CDH4: variants seen among roughly 807,000 people sequenced by gnomAD.
The protein encoded by CDH4 is cadherin-4.
In CDH4, 33 loss-of-function variants were observed where a neutral mutation model predicts 86.0. The ratio of observed to expected loss-of-function variants is 0.38; its 90% CI spans 0.29 to 0.51. The LOEUF is 0.51. Ranked by LOEUF, CDH4 falls within the 20% of genes least tolerant of loss-of-function variation. The pLI, the probability that CDH4 is intolerant of heterozygous loss-of-function variation, is 0.86. For synonymous variants in CDH4, 555 were observed against 549.4 expected (o/e 1.01, Z -0.14); for missense variants, 1,114 against 1,307.4 (o/e 0.85, Z 2.28).
At chr20:61,899,589 G>A (rs570230932) in intron 8 of CDH4, among the ~76,000 whole-genome samples, 81 of 152,134 alleles carry the variant, frequency 5.3e-4, no homozygotes, top group African/African-American at 1.7e-3. Context: ...CACCACGCCC[G>A]GCTAATTTTT....
intron 2 of CDH4, among the ~76,000 whole-genome samples, chr20:61,717,038 C>T (rs1743121049): frequency 6.6e-6 from 1 of 152,254 alleles, no homozygotes; most frequent in Non-Finnish European, 1.5e-5. Flanking sequence ...TCATGGCCCA[C>T]TGGCTGCCAG....
intron 2 of CDH4, among the ~76,000 whole-genome samples, chr20:61,644,147 CA>C (rs2087037852): frequency 6.6e-6 from 1 of 152,170 alleles, no homozygotes; most frequent in African/African-American, 2.4e-5. Context: ...GATCCAATAT[CA>C]GGAGTGTGGA....
intron 2 of CDH4, among the ~76,000 whole-genome samples, chr20:61,472,911 A>G (rs1478023755): frequency 6.6e-6 from 1 of 152,206 alleles, no homozygotes; most frequent in Non-Finnish European, 1.5e-5. Flanking sequence ...ATTAGATTAT[A>G]TGGTAAAACT....
At chr20:61,580,193 ACCTGTAATCCTAG>A (rs1174385809) in intron 2 of CDH4, among the ~76,000 whole-genome samples, 3 of 151,986 alleles carry the variant, frequency 2.0e-5, no homozygotes, top group African/African-American at 7.3e-5. Flanking sequence ...AGTGGCTCAC[ACCTGTAATCCTAG>A]CACTTTGGGA....
chr20:61,540,374 A>G (rs550953567), intron 2 of CDH4, among the ~76,000 whole-genome samples: 14 of 152,324 alleles, frequency 9.2e-5, no homozygotes, highest in African/African-American at 3.4e-4. Flanking sequence ...TCATGACGGC[A>G]CCGGAAGCCA....
In CDH4 at chr20:61,344,076, T is replaced by G. The variant is rs185071793; in HGVS notation, c.169+89139T>G. Among the ~76,000 whole-genome samples, 607 of 152,230 alleles carry G rather than the reference T, an allele frequency of 4.0e-3. 1 individual carries two copies. The highest frequency in any genetic ancestry group is 0.01 in the Middle Eastern group (3 of 294). ...GAGCGTGGTGAAGCTCAGAGTGCAC[T>G]GAGGACTTCCAGGAAGTTCCACGTG... On this transcript the variant is annotated intron_variant, in intron 2 of 15. Transcript: ENST00000614565.
At chr20:61,402,319 T>C (rs1262726963) in intron 2 of CDH4, among the ~76,000 whole-genome samples, 2 of 152,226 alleles carry the variant, frequency 1.3e-5, no homozygotes, top group African/African-American at 4.8e-5. Flanking sequence ...AAATGCTATG[T>C]AAATAGTTGT....
intron 2 of CDH4, among the ~76,000 whole-genome samples, chr20:61,359,371 G>A (rs1438288168): frequency 1.3e-5 from 2 of 152,128 alleles, no homozygotes; most frequent in East Asian, 1.9e-4. Flanking sequence ...TCCCTGTCCC[G>A]GGAGAACCTA....
chr20:61,710,960 G>A (rs183931143), intron 2 of CDH4, among the ~76,000 whole-genome samples: 6 of 152,264 alleles, frequency 3.9e-5, no homozygotes, highest in Admixed American at 2.0e-4. Flanking sequence ...ATAGGCATAC[G>A]ACCTTACAGT....
intron 2 of CDH4, among the ~76,000 whole-genome samples, chr20:61,558,961 G>A (rs1411453481): frequency 6.6e-6 from 1 of 152,202 alleles, no homozygotes; most frequent in Non-Finnish European, 1.5e-5. Context: ...GTGCTAAGTG[G>A]CTTTAAAGAC....
At chr20:61,559,743 T>C (rs563709706) in intron 2 of CDH4, among the ~76,000 whole-genome samples, 112 of 152,110 alleles carry the variant, frequency 7.4e-4, no homozygotes, top group African/African-American at 2.6e-3. Flanking sequence ...GATCTTAAAC[T>C]CCTGACCTCA....
chr20:61,396,589 G>A (rs1184726323), intron 2 of CDH4, among the ~76,000 whole-genome samples: 1 of 152,220 alleles, frequency 6.6e-6, no homozygotes, highest in Non-Finnish European at 1.5e-5. Flanking sequence ...CTGGCCACGG[G>A]GAGCATCCTG....
At chr20:61,565,094 GGTGGTGCTCTTGGTGGTGC>G (rs2086257676) in intron 2 of CDH4, among the ~76,000 whole-genome samples, 6 of 134,508 alleles carry the variant, frequency 4.5e-5, no homozygotes, top group South Asian at 2.4e-4. Flanking sequence ...TGGTGCTCTT[GGTGGTGCTCTTGGTGGTGC>G]TGGTGCTCTT....
intron 2 of CDH4, among the ~76,000 whole-genome samples, chr20:61,484,399 ACT>A (rs1443213684): frequency 2.6e-5 from 4 of 151,682 alleles, no homozygotes; most frequent in African/African-American, 7.3e-5. Context: ...ACTCCTCCAG[ACT>A]CTCATATCTG....
At chr20:61,622,206 C>T (rs1049633358) in intron 2 of CDH4, among the ~76,000 whole-genome samples, 16 of 152,234 alleles carry the variant, frequency 1.1e-4, no homozygotes, top group Non-Finnish European at 2.9e-5. Flanking sequence ...CTGTTGGCTG[C>T]ATTTAAGGTG....
intron 2 of CDH4, among the ~76,000 whole-genome samples, chr20:61,574,103 C>T (rs559829761): frequency 2.0e-5 from 3 of 152,340 alleles, no homozygotes; most frequent in African/African-American, 4.8e-5. Flanking sequence ...CCAGCTGGCC[C>T]CAGCTGGCCT....
chr20:61,485,150 G>A (rs766363506), intron 2 of CDH4, among the ~76,000 whole-genome samples: 17 of 152,194 alleles, frequency 1.1e-4, no homozygotes, highest in Non-Finnish European at 2.5e-4. Context: ...ATTGAAGTCA[G>A]CACCCCTGTT....
At chr20:61,349,627 C>T (rs1388353223) in intron 2 of CDH4, among the ~76,000 whole-genome samples, 2 of 152,148 alleles carry the variant, frequency 1.3e-5, no homozygotes, top group Non-Finnish European at 2.9e-5. Flanking sequence ...CAGGCCTCAT[C>T]GGGAGGTCTG....
At chr20:61,539,877 A>ATCTC (rs2086026761) in intron 2 of CDH4, among the ~76,000 whole-genome samples, 1 of 152,172 alleles carries the variant, frequency 6.6e-6, no homozygotes, top group African/African-American at 2.4e-5. Context: ...TGCCGAGTGG[A>ATCTC]TCTCTGTGCA....
Sources: allele counts gnomAD v4.1 joint callset (sites outside exome capture counted in the v4.1 genomes callset), GRCh38; gene constraint gnomAD v4.1.1; transcripts MANE v1.5; gene names NCBI Gene and HGNC (gene_info 2026-07-23, HGNC 2026-07-21).